The following LUC7L variants were observed in gnomAD, a reference collection of about 807,000 sequenced individuals.
The protein encoded by LUC7L is LUC7 like, also known as putative RNA-binding protein Luc7-like 1.
A neutral mutation model predicts 51.1 loss-of-function variants in LUC7L; 29 were observed. The observed-to-expected ratio is 0.57, with a 90% CI of 0.42 to 0.77. LUC7L has a LOEUF of 0.77. Among genes scored for constraint, LUC7L ranks in the 30% least tolerant of loss-of-function variants. The pLI, the probability that LUC7L is intolerant of heterozygous loss-of-function variation, is 0.00. For missense variants in LUC7L, 403 were observed against 511.9 expected (o/e 0.79, Z 2.05); for synonymous variants, 181 against 180.7 (o/e 1.00, Z -0.01).
chr16:198,480 C>G (rs530875350), intron 6 of LUC7L, among the ~76,000 whole-genome samples: 3 of 151,904 alleles, frequency 2.0e-5, no homozygotes, highest in Admixed American at 2.0e-4. Flanking sequence ...TTTCTCATCT[C>G]CTAACAGAAG....
Position 190,496 on chromosome 16 carries a change from T to C in LUC7L, c.806+45A>G, listed in dbSNP as rs2048983185. ...CATTAAATATTAAGAAAAATGCTTA[T>C]GGAAAAAAAAATTTGAGAACATTTT... On this transcript the variant is annotated intron_variant, in intron 8 of 9. Transcript: ENST00000293872. The C allele has an allele frequency of 4.4e-6, 7 of 1,597,236 alleles. No homozygotes were observed. The South Asian group carries it at 4.4e-5, about 10-fold the overall frequency.
At chr16:197,599 A>G (rs1596608156) in intron 6 of LUC7L, among the ~76,000 whole-genome samples, 1 of 152,344 alleles carries the variant, frequency 6.6e-6, no homozygotes, top group East Asian at 1.9e-4. Context: ...TCTCGGGAAC[A>G]CGGAAGTAAA....
At chr16:192,438 T>C (rs1020650604) in intron 7 of LUC7L, among the ~76,000 whole-genome samples, 2 of 151,750 alleles carry the variant, frequency 1.3e-5, no homozygotes, top group South Asian at 2.1e-4. Context: ...CTGACTGCCA[T>C]GCACACACAG....
intron 3 of LUC7L, among the ~76,000 whole-genome samples, chr16:212,530 C>A (rs2049673122): frequency 6.6e-6 from 1 of 152,072 alleles, no homozygotes; most frequent in South Asian, 2.1e-4. Context: ...GACTCTAACT[C>A]AAGACATTTG....
intron 7 of LUC7L, 73 bp downstream of exon 7, chr16:192,854 C>A (rs2049045779): frequency 2.3e-6 from 3 of 1,317,176 alleles, no homozygotes; most frequent in Non-Finnish European, 3.3e-6. Flanking sequence ...CTATTCCAAG[C>A]AACAGTGGAA....
chr16:201,606 A>G (rs1567178138), intron 5 of LUC7L, among the ~76,000 whole-genome samples: 1 of 151,848 alleles, frequency 6.6e-6, no homozygotes, highest in African/African-American at 2.4e-5. Flanking sequence ...CGCCCGGCCA[A>G]TTTTTTGTAT....
chr16:229,245 C>T, intron 1 of LUC7L, 34 bp downstream of exon 1: 1 of 1,528,038 alleles, frequency 6.5e-7, no homozygotes, highest in Non-Finnish European at 8.7e-7. Context: ...CACTCCCACC[C>T]CAGACCCTCG....
At chr16:193,161 T>C in intron 6 of LUC7L, 146 bp from the exon 7 acceptor site, 1 of 708,062 alleles carries the variant, frequency 1.4e-6, no homozygotes, top group South Asian at 1.6e-5. Context: ...TACTTTTTTT[T>C]TTCTCTTTGA....
At chr16:209,384 G>T (rs541995928) in intron 3 of LUC7L, 14 of 151,734 alleles carry the variant, frequency 9.2e-5, no homozygotes, top group African/African-American at 3.4e-4. Context: ...CAGCTACTCA[G>T]GAGACTGAGG....
chr16:192,792 C>A, intron 7 of LUC7L, 135 bp downstream of exon 7: 1 of 781,064 alleles, frequency 1.3e-6, no homozygotes. Context: ...CGTGAGCCGC[C>A]AGGCCTGGCC....
At chr16:221,585 C>T (rs2049970790) in intron 2 of LUC7L, among the ~76,000 whole-genome samples, 1 of 152,048 alleles carries the variant, frequency 6.6e-6, no homozygotes, top group Admixed American at 6.5e-5. Flanking sequence ...CACCTGTAAT[C>T]CCAGCTACCT....
intron 2 of LUC7L, among the ~76,000 whole-genome samples, chr16:222,942 C>G (rs1248615068): frequency 2.1e-5 from 3 of 143,558 alleles, no homozygotes; most frequent in Non-Finnish European, 4.5e-5. Flanking sequence ...TTAAAGAGAC[C>G]CCGTCTTTTA....
At chr16:226,112 C>G (rs540746957) in intron 2 of LUC7L, among the ~76,000 whole-genome samples, 1 of 152,176 alleles carries the variant, frequency 6.6e-6, no homozygotes, top group Non-Finnish European at 1.5e-5. Flanking sequence ...CCAGGCCAAA[C>G]AGCAGACAAC....
At chr16:224,456 T>C (rs1249115783) in intron 2 of LUC7L, among the ~76,000 whole-genome samples, 1 of 150,136 alleles carries the variant, frequency 6.7e-6, no homozygotes, top group Non-Finnish European at 1.5e-5. Context: ...GAGGCGGAGC[T>C]TGCAGTGAGC....
In LUC7L at chr16:203,740, G is replaced by T. The variant is rs1567179505; in HGVS notation, c.510+2264C>A. Among the ~76,000 whole-genome samples, 4 of 147,452 alleles carry T rather than the reference G, an allele frequency of 2.7e-5. No individual in the cohort carries two copies. In the South Asian group the frequency reaches 8.6e-4, roughly 32 times the overall value. ...GGCGGGGTGGAGGTGGGGAGGGCTG[G>T]GCGCGGTGGCTCACACCTGTAATCC... On this transcript the variant is annotated intron_variant, in intron 5 of 9. Transcript: ENST00000293872.
At chr16:197,573 T>A (rs775976229) in intron 6 of LUC7L, among the ~76,000 whole-genome samples, 1 of 152,208 alleles carries the variant, frequency 6.6e-6, no homozygotes, top group African/African-American at 2.4e-5. Flanking sequence ...ACAGAGTACA[T>A]TGCTTTTCAA....
chr16:210,354 C>CA (rs1344938991), intron 3 of LUC7L, among the ~76,000 whole-genome samples: 1 of 152,154 alleles, frequency 6.6e-6, no homozygotes, highest in African/African-American at 2.4e-5. Flanking sequence ...TCAGTATGTT[C>CA]AAATCAAAGA....
At chr16:205,547 T>G (rs926157877) in intron 5 of LUC7L, among the ~76,000 whole-genome samples, 1 of 152,178 alleles carries the variant, frequency 6.6e-6, no homozygotes, top group African/African-American at 2.4e-5. Flanking sequence ...CTCTGTACTT[T>G]CCTCTCAATT....
chr16:203,931 G>A (rs1423878043), intron 5 of LUC7L, among the ~76,000 whole-genome samples: 2 of 148,292 alleles, frequency 1.3e-5, no homozygotes, highest in Non-Finnish European at 3.0e-5. Flanking sequence ...CAGGAGAATC[G>A]CTTGAGCCCG....
Sources: gnomAD v4.1 joint callset for allele counts (sites outside exome capture counted in the v4.1 genomes callset) on GRCh38, gnomAD v4.1.1 for gene constraint, MANE v1.5 for transcripts, NCBI Gene and HGNC (gene_info 2026-07-23, HGNC 2026-07-21) for gene names.